The following SUGP2 variants were observed in gnomAD, a reference collection of about 807,000 sequenced individuals.
SUGP2 encodes SURP and G-patch domain-containing protein 2.
A neutral mutation model predicts 90.5 loss-of-function variants in SUGP2; 24 were observed. That is an observed-to-expected ratio of 0.27 (90% CI 0.19 to 0.37). The LOEUF is 0.37. SUGP2 is among the 10% of genes least tolerant of loss of function. The pLI is 1.00. For missense variants in SUGP2, 1,233 were observed against 1,363.3 expected (o/e 0.90, Z 1.51); for synonymous variants, 473 against 513.4 (o/e 0.92, Z 1.06).
intron 4 of SUGP2, among the ~76,000 whole-genome samples, chr19:19,012,819 T>C (rs2058354779): frequency 1.3e-5 from 2 of 152,232 alleles, no homozygotes; most frequent in African/African-American, 4.8e-5. Context: ...TCTCCTACCA[T>C]GGTTTTGGAT....
chr19:19,033,696 G>C, upstream of SUGP2: 1 of 275,846 alleles, frequency 3.6e-6, no homozygotes, highest in Non-Finnish European at 6.7e-6. Flanking sequence ...GGCGACCACC[G>C]TGAGCGTCCC....
chr19:19,012,877 T>C (rs1172470967), intron 4 of SUGP2, among the ~76,000 whole-genome samples: 4 of 152,210 alleles, frequency 2.6e-5, no homozygotes, highest in Non-Finnish European at 5.9e-5. Flanking sequence ...GATTTTTTTT[T>C]TTTTGAGACG....
intron 4 of SUGP2, among the ~76,000 whole-genome samples, chr19:19,011,233 G>C (rs1407844045): frequency 6.7e-6 from 1 of 150,316 alleles, no homozygotes; most frequent in Non-Finnish European, 1.5e-5. Flanking sequence ...CCGCAGCCTC[G>C]ACCTTCTGGG....
rs191731573 is a variant in SUGP2 at position 19,029,430 on chromosome 19, G to A, written c.121+1521C>T. On this transcript the variant is annotated intron_variant, in intron 2 of 10. Coordinates refer to ENST00000452918, the MANE Select transcript of SUGP2 (RefSeq NM_001017392.5). ...ATTACAGGCTTGAGCCACTGCGCCC[G>A]GCCATTTTTTTTCTTTTTTTTTTTT... Among the ~76,000 whole-genome samples, 115 of 142,548 alleles carry A rather than the reference G, an allele frequency of 8.1e-4. 3 individuals are homozygous for A. The highest frequency in any genetic ancestry group is 7.4e-3 in the Admixed American group (102 of 13,788). The allele number at this position is 142,548 out of a possible 152,430, so 93.5% of individuals were successfully genotyped here. A position where few individuals can be genotyped will look rare whatever the true frequency, so the allele number is the denominator to read the frequency against.
chr19:19,010,856 T>C (rs940980568), intron 4 of SUGP2, among the ~76,000 whole-genome samples: 4 of 152,056 alleles, frequency 2.6e-5, no homozygotes, highest in African/African-American at 9.7e-5. Context: ...AGAAAAATAT[T>C]CAGCTGGGCG....
intron 3 of SUGP2, 72 bp downstream of exon 3, chr19:19,024,547 A>T: frequency 2.7e-6 from 4 of 1,509,378 alleles, no homozygotes; most frequent in Non-Finnish European, 3.5e-6. Context: ...CTGTGTAAAA[A>T]AATCTCGAAT....
rs374018938 is a variant in SUGP2, at chr19:19,004,304, G to C, written c.2793C>G (p.Asp931Glu). ...ACAAGGCAGGTGCTCCAGCCAGGTC[G>C]TCCTCGGCAGCCTCGCCGGGAAGGC... is the stretch of plus-strand genomic sequence containing the variant. ...ADGLPGEAAE[D>E]DLAGAPALSQ... Residue 931 changes from aspartate to glutamate, a missense_variant, in exon 7 of 11, where the codon GAC (aspartate) becomes GAG (glutamate). Transcript: ENST00000452918. 2 of 1,613,664 alleles carry C rather than the reference G, an allele frequency of 1.2e-6. No individual in the cohort carries two copies. The highest frequency in any genetic ancestry group is 2.7e-5 in the African/African-American group (2 of 74,952).
At chr19:19,004,023 G>A (rs1366566741) in intron 7 of SUGP2, 145 bp downstream of exon 7, 1 of 662,672 alleles carries the variant, frequency 1.5e-6, no homozygotes, top group African/African-American at 1.8e-5. Flanking sequence ...TCAGACCACT[G>A]GGAAACATGA....
chr19:19,031,045 C>G lies in SUGP2; in HGVS notation c.27G>C (p.Glu9Asp). 1 of 1,613,706 alleles carries G rather than the reference C, an allele frequency of 6.2e-7. No individual in the cohort carries two copies. The highest frequency in any genetic ancestry group is 1.1e-5 in the South Asian group (1 of 90,970). The change falls in exon 2 of 11, where the codon GAG (glutamate) becomes GAC (aspartate). Residue 9 changes from glutamate to aspartate, a missense_variant. By Grantham distance (45) the Glu-to-Asp change is conservative (BLOSUM62 2). Around this residue, in one of 8 missense-constraint regions of SUGP2, gnomAD observed 418 missense variants for 399.9 expected, o/e 1.05. Coordinates refer to ENST00000452918, the MANE Select transcript of SUGP2 (RefSeq NM_001017392.5). MAARRITQETFDAVLQEKA... is the reference protein window; with the variant it reads MAARRITQDTFDAVLQEKA... ...TTTCTTGTAATACAGCATCAAAAGTCTCCTGTGTAATTCGTCTGGCTGCCA... is the reference window on the plus strand; with the variant it reads ...TTTCTTGTAATACAGCATCAAAAGTGTCCTGTGTAATTCGTCTGGCTGCCA...
intron 4 of SUGP2, among the ~76,000 whole-genome samples, chr19:19,017,927 C>CTTT (rs1264966084): frequency 1.4e-5 from 2 of 140,110 alleles, no homozygotes; most frequent in African/African-American, 2.7e-5. Flanking sequence ...CTGATCATCA[C>CTTT]TTTTTTTTTT....
intron 4 of SUGP2, among the ~76,000 whole-genome samples, chr19:19,015,767 AG>A (rs1451564315): frequency 6.6e-6 from 1 of 152,116 alleles, no homozygotes; most frequent in African/African-American, 2.4e-5. Context: ...GGTCTCCCAA[AG>A]TGTTGGGATT....
At position 19,033,478 on chromosome 19, in the gene SUGP2, A is replaced by G. The variant is rs1202035004; in HGVS notation, c.-53T>C. On this transcript the variant is annotated 5_prime_UTR_variant, in exon 1 of 11. Coordinates refer to ENST00000452918, the MANE Select transcript of SUGP2 (RefSeq NM_001017392.5). ...GCGGAGCCACCCCCGCCGCCGCCTC[A>G]GGCTCCTCACCCGCCGCCGCCGCCG... The G allele has an allele frequency of 2.1e-6, 3 of 1,408,350 alleles. No individual in the cohort carries two copies. The highest frequency in any genetic ancestry group is 1.3e-5 in the South Asian group (1 of 74,766). The allele number at this position is 1,408,350 out of a possible 1,614,324, so 87.2% of individuals were successfully genotyped here.
rs2059274450 is a variant in SUGP2, at chr19:19,033,442, G to A, written c.-17C>T. On this transcript the variant is annotated 5_prime_UTR_variant, in exon 1 of 11. Transcript: ENST00000452918. ...CGCCAGGGCCCGGGCCTCACCCCGA[G>A]ACCACCGCGCGCGGAGCCACCCCCG... 7.2e-7 allele frequency: 1 copy of A among 1,390,552 alleles called. No homozygotes were observed. Among genetic ancestry groups the A allele is most frequent in the East Asian group, 3.6e-5 (1 of 28,068 alleles). 86.1% of individuals were successfully genotyped at this position (1,390,552 alleles called of 1,614,324 possible). A position where few individuals can be genotyped will look rare whatever the true frequency, so the allele number is the denominator to read the frequency against.
chr19:18,991,002 A>T lies in SUGP2; in HGVS notation c.*2739T>A, dbSNP rs536677943. 21 of 152,338 alleles carry T rather than the reference A, an allele frequency of 1.4e-4. No homozygotes were observed. Among genetic ancestry groups the T allele is most frequent in the African/African-American group, 4.8e-4 (20 of 41,576 alleles). The allele number at this position is 152,338 out of a possible 1,614,324, so 9.4% of individuals were successfully genotyped here. ...AAACTTCCATTTTGTAACATCACAA[A>T]TGTCTTCTAGGCTTTATCAAGGACC... On this transcript the variant is annotated 3_prime_UTR_variant, in exon 11 of 11. Transcript: ENST00000452918.
intron 2 of SUGP2, among the ~76,000 whole-genome samples, chr19:19,026,717 C>T (rs2058946269): frequency 1.3e-5 from 2 of 152,186 alleles, no homozygotes; most frequent in Admixed American, 6.5e-5. Context: ...AGGCTACCTG[C>T]CTTCACTGCC....
intron 4 of SUGP2, 130 bp downstream of exon 4, chr19:19,018,979 A>G: frequency 9.3e-7 from 1 of 1,078,612 alleles, no homozygotes; most frequent in Non-Finnish European, 1.3e-6. Context: ...AGCCACCCTC[A>G]TGCTCTTCTC....
At chr19:18,997,033 A>C (rs2145261319) in intron 8 of SUGP2, among the ~76,000 whole-genome samples, 1 of 152,012 alleles carries the variant, frequency 6.6e-6, no homozygotes, top group African/African-American at 2.4e-5. Context: ...CATGGGAAGC[A>C]GGGTGAGAAG....
chr19:19,027,887 C>T (rs1273440201), intron 2 of SUGP2, among the ~76,000 whole-genome samples: 4 of 152,184 alleles, frequency 2.6e-5, no homozygotes, highest in Admixed American at 6.5e-5. Flanking sequence ...CCGCCCACCT[C>T]GGCCTCCCAA....
intron 4 of SUGP2, among the ~76,000 whole-genome samples, chr19:19,017,290 C>T (rs1449118539): frequency 6.6e-6 from 1 of 152,194 alleles, no homozygotes; most frequent in Non-Finnish European, 1.5e-5. Context: ...TGATAAACAT[C>T]AATGGTCTCC....
Sources: allele counts gnomAD v4.1 joint callset (sites outside exome capture counted in the v4.1 genomes callset), GRCh38; gene constraint gnomAD v4.1.1; regional missense constraint gnomAD v4.1.1; transcripts MANE v1.5; gene names NCBI Gene and HGNC (gene_info 2026-07-23, HGNC 2026-07-21).